Variants in MEMO1 observed in about 807,000 individuals in gnomAD.
MEMO1 encodes the protein protein MEMO1.
A neutral mutation model predicts 45.2 loss-of-function variants in MEMO1; 6 were observed. The observed-to-expected ratio is 0.13, with a 90% confidence interval of 0.07 to 0.26. The LOEUF (loss-of-function observed/expected upper bound fraction) is 0.26, where lower values mean the gene tolerates loss of function less well. Ranked by LOEUF, MEMO1 falls within the 10% of genes least tolerant of loss-of-function variation. MEMO1 has a pLI of 1.00. For missense variants in MEMO1, 184 were observed against 370.5 expected, an observed-to-expected ratio of 0.50 and a Z score of 4.13; for synonymous variants, 78 against 124.3, an observed-to-expected ratio of 0.63 and a Z score of 2.48.
intron 2 of MEMO1, among the ~76,000 whole-genome samples, chr2:31,998,734 A>G (rs1672904178): frequency 6.6e-6 from 1 of 152,068 alleles, no homozygotes; most frequent in Admixed American, 6.6e-5. Flanking sequence ...CAGGAGGCGG[A>G]CATTGCAGTG....
chr2:31,910,555 G>A (rs145925017), intron 6 of MEMO1, among the ~76,000 whole-genome samples: 82 of 152,302 alleles, frequency 5.4e-4, no homozygotes, highest in Non-Finnish European at 8.7e-4. Context: ...CCATGAAGCA[G>A]TATAGTGTTA....
chr2:31,999,520 A>C (rs1352583853), intron 2 of MEMO1, among the ~76,000 whole-genome samples: 1 of 151,950 alleles, frequency 6.6e-6, no homozygotes, highest in Non-Finnish European at 1.5e-5. Flanking sequence ...AAATACAAAA[A>C]TTTGCCAGGC....
rs530170116 is a variant in MEMO1, at chr2:32,002,520, C to G, written c.61+7667G>C. Among the ~76,000 whole-genome samples, 448 of 151,888 alleles carry G rather than the reference C, an allele frequency of 2.9e-3. 1 individual carries two copies. Among genetic ancestry groups the G allele is most frequent in the African/African-American group, 0.01 (426 of 41,380 alleles). On this transcript the variant is annotated intron_variant, in intron 2 of 9. Transcript: ENST00000404530. ...GATAAAGTAAGTTCAGTGTTTCGGG[C>G]AGCATATTTTCCCATACCTTCCTGC...
intron 2 of MEMO1, among the ~76,000 whole-genome samples, chr2:31,964,094 C>T (rs35382589): frequency 0.12 from 17,630 of 152,010 alleles, 1,094 homozygotes; most frequent in Middle Eastern, 0.2. Flanking sequence ...TTATGGCTTA[C>T]GTTATATTAG....
chr2:31,901,904 A>G (rs527546529), intron 6 of MEMO1, among the ~76,000 whole-genome samples: 15 of 150,806 alleles, frequency 9.9e-5, no homozygotes, highest in Non-Finnish European at 1.5e-4. Context: ...GCAAGACTTC[A>G]TCTCAAAAAA....
intron 8 of MEMO1, among the ~76,000 whole-genome samples, chr2:31,874,346 T>C (rs144408272): frequency 9.2e-4 from 140 of 152,226 alleles, no homozygotes; most frequent in African/African-American, 3.2e-3. Flanking sequence ...CACTGGTCTA[T>C]AGCCAATAAA....
chr2:31,965,000 A>T (rs1443970577), intron 2 of MEMO1, among the ~76,000 whole-genome samples: 1 of 152,000 alleles, frequency 6.6e-6, no homozygotes, highest in South Asian at 2.1e-4. Context: ...GATCACTTGA[A>T]GTCAGGAATT....
intron 2 of MEMO1, among the ~76,000 whole-genome samples, chr2:31,966,691 C>A (rs1318952201): frequency 1.4e-5 from 2 of 142,588 alleles, no homozygotes; most frequent in Non-Finnish European, 3.0e-5. Context: ...CCAGATCGCA[C>A]CACTGCACTC....
chr2:31,894,583 C>A (rs751664642), intron 6 of MEMO1, among the ~76,000 whole-genome samples: 11 of 152,056 alleles, frequency 7.2e-5, no homozygotes, highest in Non-Finnish European at 1.6e-4. Flanking sequence ...GGAGGCTGCA[C>A]GCATGTACAG....
chr2:31,883,287 G>A, intron 8 of MEMO1, 99 bp downstream of exon 8: 3 of 867,536 alleles, frequency 3.5e-6, no homozygotes, highest in South Asian at 1.8e-5. Flanking sequence ...TAAAGATAGG[G>A]AAAAAATATA....
chr2:32,005,318 C>CAA (rs1305881226), intron 2 of MEMO1, among the ~76,000 whole-genome samples: 31 of 57,292 alleles, frequency 5.4e-4, no homozygotes, highest in Non-Finnish European at 7.6e-4. Context: ...ACTCTGTCAC[C>CAA]AAAAAAAAAA....
At chr2:31,883,325 A>G (rs966833399) in intron 8 of MEMO1, 61 bp downstream of exon 8, 15 of 1,121,040 alleles carry the variant, frequency 1.3e-5, no homozygotes, top group Non-Finnish European at 1.9e-5. Context: ...GTCTTGAATT[A>G]CTAATCTGAA....
intron 2 of MEMO1, among the ~76,000 whole-genome samples, chr2:31,964,161 C>T (rs1301538208): frequency 2.0e-5 from 3 of 151,876 alleles, no homozygotes; most frequent in Non-Finnish European, 4.4e-5. Context: ...GACAGAAAAA[C>T]GTTGAACACC....
chr2:31,896,602 T>C (rs561450060), intron 6 of MEMO1, among the ~76,000 whole-genome samples: 24 of 152,322 alleles, frequency 1.6e-4, no homozygotes, highest in Admixed American at 7.8e-4. Flanking sequence ...TTCTATGACC[T>C]TGGAGGAGGC....
intron 2 of MEMO1, among the ~76,000 whole-genome samples, chr2:31,954,044 C>T (rs1667137865): frequency 6.6e-6 from 1 of 152,136 alleles, no homozygotes; most frequent in African/African-American, 2.4e-5. Context: ...TACTTATTTG[C>T]TACTTGGGAC....
intron 3 of MEMO1, among the ~76,000 whole-genome samples, chr2:31,943,055 G>A (rs1012331219): frequency 3.9e-5 from 6 of 151,994 alleles, no homozygotes; most frequent in Non-Finnish European, 7.4e-5. Flanking sequence ...ATTTGAGGTC[G>A]GCAGTTTAAG....
intron 6 of MEMO1, among the ~76,000 whole-genome samples, chr2:31,895,313 G>C (rs556572704): frequency 6.6e-6 from 1 of 152,232 alleles, no homozygotes; most frequent in South Asian, 2.1e-4. Context: ...GCAGATATTG[G>C]ATTTAGCAGA....
At chr2:31,877,094 CT>C (rs1418639635) in intron 8 of MEMO1, among the ~76,000 whole-genome samples, 1 of 152,180 alleles carries the variant, frequency 6.6e-6, no homozygotes, top group Non-Finnish European at 1.5e-5. Flanking sequence ...TCTCACCACC[CT>C]CCCCATCCAT....
At chr2:32,008,456 C>T (rs1674373521) in intron 2 of MEMO1, among the ~76,000 whole-genome samples, 1 of 152,108 alleles carries the variant, frequency 6.6e-6, no homozygotes, top group Non-Finnish European at 1.5e-5. Flanking sequence ...TGGTGGCGCG[C>T]GCCTGTAATC....
Sources: gnomAD v4.1 joint callset for allele counts (sites outside exome capture counted in the v4.1 genomes callset) on GRCh38, gnomAD v4.1.1 for gene constraint, MANE v1.5 for transcripts, NCBI Gene and HGNC (gene_info 2026-07-23, HGNC 2026-07-21) for gene names.